DNAI1: variants seen among roughly 807,000 people sequenced by gnomAD.
DNAI1 encodes the protein dynein axonemal intermediate chain 1, also known as dynein, axonemal, intermediate polypeptide 1.
A neutral mutation model predicts 92.0 loss-of-function variants in DNAI1; 67 were observed. That is an observed-to-expected ratio of 0.73 (90% CI 0.60 to 0.89). The LOEUF is 0.89. Ranked by LOEUF, DNAI1 falls within the 40% of genes least tolerant of loss-of-function variation. The pLI is 0.00. For missense variants in DNAI1, 839 were observed against 866.6 expected (o/e 0.97, Z 0.40); for synonymous variants, 323 against 319.6 (o/e 1.01, Z -0.11).
At position 34,520,780 on chromosome 9, in the gene DNAI1, C is replaced by T; in HGVS notation, c.*24C>T. 1 of 1,550,326 alleles carries T rather than the reference C, an allele frequency of 6.5e-7. No individual in the cohort carries two copies. Among genetic ancestry groups the T allele is most frequent in the Non-Finnish European group, 8.7e-7 (1 of 1,145,786 alleles). On this transcript the variant is annotated 3_prime_UTR_variant, in exon 20 of 20. Coordinates refer to ENST00000242317, the MANE Select transcript of DNAI1 (RefSeq NM_012144.4). ...GAGGGGCTGGCCTCAGTCTCTGTCC[C>T]ATCGCTTGAATACAGTACTCCTAGG...
chr9:34,489,676 C>T (rs1037975179), intron 5 of DNAI1, among the ~76,000 whole-genome samples: 8 of 152,112 alleles, frequency 5.3e-5, no homozygotes, highest in Non-Finnish European at 7.4e-5. Context: ...AGTGAAACCC[C>T]GTTTCTACTA....
At chr9:34,485,662 T>C in intron 4 of DNAI1, 145 bp downstream of exon 4, 1 of 817,126 alleles carries the variant, frequency 1.2e-6, no homozygotes, top group Non-Finnish European at 2.0e-6. Context: ...AGATTTCATA[T>C]GGAGTTTTCT....
At chr9:34,491,683 C>A in intron 8 of DNAI1, 129 bp downstream of exon 8, 1 of 974,686 alleles carries the variant, frequency 1.0e-6, no homozygotes, top group Non-Finnish European at 1.6e-6. Flanking sequence ...ACTTGCCTCC[C>A]TGCTCACTGT....
intron 1 of DNAI1, among the ~76,000 whole-genome samples, chr9:34,467,657 G>T (rs1048208414): frequency 6.9e-6 from 1 of 145,308 alleles, no homozygotes; most frequent in Admixed American, 6.8e-5. Context: ...TAAATAAAAT[G>T]CAGTATATAT....
intron 10 of DNAI1, among the ~76,000 whole-genome samples, chr9:34,498,158 A>T (rs1315528366): frequency 6.6e-6 from 1 of 152,226 alleles, no homozygotes; most frequent in African/African-American, 2.4e-5. Context: ...CCTGTGTCTT[A>T]AGGAATGGAG....
chr9:34,513,072 T>C (rs1564042271), intron 15 of DNAI1, 40 bp from the exon 16 acceptor site: 2 of 1,570,372 alleles, frequency 1.3e-6, no homozygotes, highest in South Asian at 1.1e-5. Flanking sequence ...AGCCTCCCTC[T>C]TGGAACTGGG....
chr9:34,461,121 T>A (rs1185651595), intron 1 of DNAI1, among the ~76,000 whole-genome samples: 1 of 151,806 alleles, frequency 6.6e-6, no homozygotes, highest in African/African-American at 2.4e-5. Flanking sequence ...GGATTACAGG[T>A]GTGGGCCACC....
intron 1 of DNAI1, among the ~76,000 whole-genome samples, chr9:34,477,446 A>G (rs1381169085): frequency 1.3e-5 from 2 of 152,182 alleles, no homozygotes; most frequent in African/African-American, 2.4e-5. Context: ...AGATTAAATG[A>G]AATAATGTGC....
intron 1 of DNAI1, among the ~76,000 whole-genome samples, chr9:34,469,260 CTTTTTTTTTTT>C (rs35082433): frequency 1.2e-5 from 1 of 80,190 alleles, no homozygotes; most frequent in African/African-American, 4.6e-5. Flanking sequence ...AATGGAATGG[CTTTTTTTTTTT>C]TTTTTTTTTT....
chr9:34,460,835 A>T (rs902020304), intron 1 of DNAI1, among the ~76,000 whole-genome samples: 38 of 149,164 alleles, frequency 2.5e-4, no homozygotes, highest in Non-Finnish European at 4.6e-4. Context: ...ATTTTTTTTT[A>T]TTATTTTATT....
chr9:34,512,913 G>A (rs910752192), intron 15 of DNAI1, among the ~76,000 whole-genome samples, 199 bp from the exon 16 acceptor site: 2 of 152,180 alleles, frequency 1.3e-5, no homozygotes, highest in East Asian at 3.9e-4. Context: ...AATCCTAACT[G>A]CCTGGGACAA....
chr9:34,495,840 G>A (rs1253164505), intron 9 of DNAI1, among the ~76,000 whole-genome samples: 1 of 152,098 alleles, frequency 6.6e-6, no homozygotes, highest in Non-Finnish European at 1.5e-5. Flanking sequence ...TCCTGCTCTG[G>A]GTCAGAGAAT....
rs376585656 is a variant in DNAI1, at chr9:34,489,409, T to A, written c.348T>A (p.Asp116Glu). 2.5e-6 allele frequency: 4 copies of A among 1,614,002 alleles called. No individual in the cohort carries two copies. The highest frequency in any genetic ancestry group is 3.4e-6 in the Non-Finnish European group (4 of 1,180,016). The change falls in exon 5 of 20, where the codon GAT becomes GAA. Residue 116 changes from aspartate (D) to glutamate (E), a missense_variant. Physicochemically the swap from Asp to Glu is conservative, Grantham distance 45. Coordinates refer to ENST00000242317, the MANE Select transcript of DNAI1 (RefSeq NM_012144.4). Reference sequence around the variant, plus strand: ...GGAACCTGATCCCCAAAGACTCAGATGAAGGACGGCGGCAGCATTACCGCG... The same window carrying A: ...GGAACCTGATCCCCAAAGACTCAGAAGAAGGACGGCGGCAGCATTACCGCG... ...QVGNLIPKDS[D>E]EGRRQHYRDE...
chr9:34,466,282 A>C (rs1054000489), intron 1 of DNAI1, among the ~76,000 whole-genome samples: 8 of 152,164 alleles, frequency 5.3e-5, no homozygotes, highest in Admixed American at 3.9e-4. Flanking sequence ...CCCTACCCCT[A>C]ATGTTAAGCT....
intron 10 of DNAI1, among the ~76,000 whole-genome samples, chr9:34,498,071 A>G (rs1193207971): frequency 1.3e-5 from 2 of 152,118 alleles, no homozygotes. Context: ...GGAGGATGTG[A>G]TTGTGTAGAA....
At chr9:34,486,532 G>A (rs1367822815) in intron 4 of DNAI1, among the ~76,000 whole-genome samples, 1 of 151,994 alleles carries the variant, frequency 6.6e-6, no homozygotes, top group Non-Finnish European at 1.5e-5. Context: ...CAAAAAAAAT[G>A]AAAACACAGT....
At chr9:34,481,515 T>C (rs1465724927) in intron 1 of DNAI1, among the ~76,000 whole-genome samples, 1 of 152,190 alleles carries the variant, frequency 6.6e-6, no homozygotes, top group African/African-American at 2.4e-5. Context: ...TGTCTGGAAT[T>C]GGTGGGTTCT....
At chr9:34,512,850 C>T (rs1482462346) in intron 15 of DNAI1, among the ~76,000 whole-genome samples, 1 of 152,346 alleles carries the variant, frequency 6.6e-6, no homozygotes, top group African/African-American at 2.4e-5. Context: ...TCAATCCCTG[C>T]CTTGTTTACC....
intron 12 of DNAI1, among the ~76,000 whole-genome samples, chr9:34,506,283 A>G (rs781663768): frequency 1.3e-5 from 2 of 152,156 alleles, no homozygotes; most frequent in Non-Finnish European, 1.5e-5. Flanking sequence ...TGGGCATCCA[A>G]ACCCCCTCTG....
Sources: gnomAD v4.1 joint callset for allele counts (sites outside exome capture counted in the v4.1 genomes callset) on GRCh38, gnomAD v4.1.1 for gene constraint, MANE v1.5 for transcripts, NCBI Gene and HGNC (gene_info 2026-07-23, HGNC 2026-07-21) for gene names.